SARNP: variants seen among roughly 807,000 people sequenced by gnomAD.
SARNP encodes SAP domain containing ribonucleoprotein, also known as SAP domain-containing ribonucleoprotein.
Under a neutral mutation model 38.1 loss-of-function variants are expected in SARNP, and 5 were observed. That is an observed-to-expected ratio of 0.13 (90% CI 0.07 to 0.28). The LOEUF is 0.28. SARNP is among the 10% of genes least tolerant of loss of function. The pLI, the probability that SARNP is intolerant of heterozygous loss-of-function variation, is 1.00. For missense variants in SARNP, 180 were observed against 243.9 expected (o/e 0.74, Z 1.75); for synonymous variants, 84 against 80.6 (o/e 1.04, Z -0.23).
chr12:55,790,700 A>C (rs1879640421), intron 7 of SARNP, 108 bp from the exon 8 acceptor site: 1 of 1,098,182 alleles, frequency 9.1e-7, no homozygotes, highest in Admixed American at 3.8e-5. Context: ...TATGATGACA[A>C]AGAAAAGGCA....
At chr12:55,805,649 C>A (rs531249592) in intron 1 of SARNP, among the ~76,000 whole-genome samples, 112 of 152,278 alleles carry the variant, frequency 7.4e-4, no homozygotes, top group African/African-American at 2.6e-3. Context: ...GAGTTCAAGA[C>A]CAGCCTGGCC....
chr12:55,766,632 G>GGGGGGGGGGGGGGT (rs1565671275), intron 9 of SARNP, among the ~76,000 whole-genome samples: 1 of 46,548 alleles, frequency 2.1e-5, no homozygotes, highest in African/African-American at 1.0e-4. Flanking sequence ...GGGGGGGGGG[G>GGGGGGGGGGGGGGT]TTGTTTTTTT....
intron 1 of SARNP, among the ~76,000 whole-genome samples, chr12:55,816,347 G>A (rs1880484054): frequency 6.6e-6 from 1 of 152,212 alleles, no homozygotes; most frequent in Non-Finnish European, 1.5e-5. Flanking sequence ...ACAAAGTGGA[G>A]ATGATTGCTC....
At chr12:55,811,255 G>A (rs896194671) in intron 1 of SARNP, among the ~76,000 whole-genome samples, 1 of 151,978 alleles carries the variant, frequency 6.6e-6, no homozygotes, top group African/African-American at 2.4e-5. Flanking sequence ...TCAATAACTT[G>A]CTTAAATATC....
chr12:55,755,536 A>C (rs1199913880), downstream of SARNP: 1 of 152,214 alleles, frequency 6.6e-6, no homozygotes, highest in African/African-American at 2.4e-5. Context: ...TATAGTAGGG[A>C]AACGGGGAGA....
intron 1 of SARNP, among the ~76,000 whole-genome samples, chr12:55,804,465 G>A (rs1011168447): frequency 6.8e-6 from 1 of 148,014 alleles, no homozygotes. Flanking sequence ...CCAAAACAAA[G>A]ACTCAATTTA....
In SARNP at chr12:55,817,709, C is replaced by A; in HGVS notation, c.-8G>T. 1 of 1,612,740 alleles carries A rather than the reference C, an allele frequency of 6.2e-7. No individual in the cohort carries two copies. On this transcript the variant is annotated 5_prime_UTR_variant, in exon 1 of 11. Transcript: ENST00000336133. ...CACCGTCTCGGTCGCCATCTTGTTA[C>A]CCCTCACTCCACTAGGCCCCCACCC...
intron 9 of SARNP, among the ~76,000 whole-genome samples, chr12:55,764,831 A>AC (rs1878781117): frequency 1.6e-5 from 2 of 121,898 alleles, no homozygotes; most frequent in Non-Finnish European, 3.2e-5. Flanking sequence ...ACTCTGTCTC[A>AC]CAAAAAAAAA....
chr12:55,803,736 G>A lies in SARNP; in HGVS notation c.37-8C>T, dbSNP rs749938343. The A allele has an allele frequency of 3.1e-6, 5 of 1,603,942 alleles. No homozygotes were observed. The highest frequency in any genetic ancestry group is 2.2e-5 in the East Asian group (1 of 44,808). On this transcript the variant is annotated splice_polypyrimidine_tract_variant and splice_region_variant and intron_variant, in intron 1 of 10. Coordinates refer to ENST00000336133, the MANE Select transcript of SARNP (RefSeq NM_033082.4). ...TTGCTTTAGTTCGGCAAGCTGAGGG[G>A]AAAAAAATAAAACTTTTCCTTAGTT...
chr12:55,814,076 A>G (rs771886520), intron 1 of SARNP, among the ~76,000 whole-genome samples: 4 of 152,234 alleles, frequency 2.6e-5, no homozygotes, highest in Non-Finnish European at 5.9e-5. Context: ...AAGAAATTAA[A>G]TAAAATAAGG....
intron 8 of SARNP, 64 bp downstream of exon 8, chr12:55,790,503 T>A: frequency 6.7e-7 from 1 of 1,487,280 alleles, no homozygotes; most frequent in Admixed American, 2.3e-5. Flanking sequence ...GGAGGAGGAG[T>A]CTCTAAAGTT....
rs116429541 is a variant in SARNP at position 55,784,454 on chromosome 12, G to A, written c.501+4621C>T. Reference sequence around the variant, plus strand: ...GACAATGTACCCAGCTGCAATTCCAGGATGTGGAACTAGAACGCTAAGTTC... The same window carrying A: ...GACAATGTACCCAGCTGCAATTCCAAGATGTGGAACTAGAACGCTAAGTTC... On this transcript the variant is annotated intron_variant, in intron 9 of 10. Transcript: ENST00000336133. Among the ~76,000 whole-genome samples, 479 of 152,272 alleles carry A rather than the reference G, an allele frequency of 3.1e-3. 2 individuals are homozygous for A. The highest frequency in any genetic ancestry group is 0.011 in the African/African-American group (442 of 41,548).
intron 10 of SARNP, among the ~76,000 whole-genome samples, chr12:55,760,148 C>T (rs1262877499): frequency 6.6e-6 from 1 of 152,118 alleles, no homozygotes; most frequent in African/African-American, 2.4e-5. Flanking sequence ...TTCAGTGTTG[C>T]CACTTCACCC....
intron 9 of SARNP, among the ~76,000 whole-genome samples, chr12:55,777,470 G>T (rs913376605): frequency 6.6e-5 from 10 of 151,912 alleles, no homozygotes; most frequent in African/African-American, 2.4e-4. Context: ...TGCCTCCCGG[G>T]TTCAAGCGAT....
At chr12:55,794,954 C>CT (rs1415622686) in intron 5 of SARNP, 74 bp from the exon 6 acceptor site, 15 of 148,242 alleles carry the variant, frequency 1.0e-4, no homozygotes, top group South Asian at 2.1e-4. Context: ...AGGTAGGTAT[C>CT]TTTAAAAAAA....
chr12:55,796,887 C>T (rs531904789), intron 4 of SARNP, among the ~76,000 whole-genome samples: 5 of 152,042 alleles, frequency 3.3e-5, no homozygotes, highest in African/African-American at 1.2e-4. Flanking sequence ...AATAAAAATG[C>T]CAAAGAAGGT....
At chr12:55,769,508 T>C (rs1189068435) in intron 9 of SARNP, among the ~76,000 whole-genome samples, 1 of 152,234 alleles carries the variant, frequency 6.6e-6, no homozygotes, top group East Asian at 1.9e-4. Flanking sequence ...CTTGGGCAAC[T>C]TGCTAGCTTT....
At chr12:55,757,266 A>ATTGT, downstream of SARNP, 1 of 364,892 alleles carries the variant, frequency 2.7e-6, no homozygotes, top group Non-Finnish European at 5.0e-6. Flanking sequence ...AATAAAACAC[A>ATTGT]TTGTTCTCTT....
intron 9 of SARNP, among the ~76,000 whole-genome samples, chr12:55,767,622 T>A: frequency 6.6e-6 from 1 of 150,804 alleles, no homozygotes. Context: ...CCGAGACGGG[T>A]GGATCACGAG....
Sources: allele counts gnomAD v4.1 joint callset (sites outside exome capture counted in the v4.1 genomes callset), GRCh38; gene constraint gnomAD v4.1.1; transcripts MANE v1.5; gene names NCBI Gene and HGNC (gene_info 2026-07-23, HGNC 2026-07-21).